Variants in PCDHA4 observed in about 807,000 individuals in gnomAD.
PCDHA4 encodes the protein protocadherin alpha-4.
A neutral mutation model predicts 61.4 loss-of-function variants in PCDHA4; 49 were observed. The observed-to-expected ratio is 0.80, with a 90% CI of 0.63 to 1.01. PCDHA4 has a LOEUF of 1.01. Ranked by LOEUF, PCDHA4 falls within the 50% of genes least tolerant of loss-of-function variation. The pLI is 0.00. For missense variants in PCDHA4, 1,254 were observed against 1,235.8 expected, an observed-to-expected ratio of 1.01 and a Z score of -0.22; for synonymous variants, 590 against 550.3, an observed-to-expected ratio of 1.07 and a Z score of -1.01.
At position 140,870,413 on chromosome 5, in the gene PCDHA4, C is replaced by G. The variant is rs200037363; in HGVS notation, c.2385+60841C>G. ...GGGGGTTCGCCTTCTCTGTGGGCCA[C>G]GGCCAGGGTATCCGTGGAGGTGGCC... On this transcript the variant is annotated intron_variant, in intron 1 of 3. Transcript: ENST00000530339. The G allele has an allele frequency of 7.6e-5, 123 of 1,614,124 alleles. No individual in the cohort carries two copies. In the African/African-American group the frequency reaches 1.6e-3, roughly 21 times the overall value.
intron 1 of PCDHA4, chr5:140,849,467 T>A: frequency 1.3e-6 from 2 of 1,589,378 alleles, no homozygotes; most frequent in South Asian, 2.2e-5. Context: ...AGGCTGTCGA[T>A]AAAGGCTTCC....
At chr5:140,828,373 G>A (rs1554131267) in intron 1 of PCDHA4, 1 of 1,614,292 alleles carries the variant, frequency 6.2e-7, no homozygotes, top group Admixed American at 1.7e-5. Context: ...ACCGCGAGGA[G>A]CTGTGCGGGC....
chr5:140,879,816 G>C (rs1232945342), intron 1 of PCDHA4, among the ~76,000 whole-genome samples: 9 of 152,196 alleles, frequency 5.9e-5, no homozygotes, highest in African/African-American at 2.2e-4. Flanking sequence ...TTGGCTGTTG[G>C]TGTTCCCTGG....
intron 3 of PCDHA4, among the ~76,000 whole-genome samples, chr5:140,988,678 T>G (rs190740461): frequency 6.6e-6 from 1 of 152,314 alleles, no homozygotes. Context: ...CTAAGATAAT[T>G]CTTTCCCTAG....
chr5:140,954,978 A>C (rs1268797182), intron 1 of PCDHA4, among the ~76,000 whole-genome samples: 2 of 152,176 alleles, frequency 1.3e-5, no homozygotes, highest in African/African-American at 4.8e-5. Context: ...GTCCAGTTTC[A>C]ATTTTCTGCA....
chr5:140,841,658 C>T lies in PCDHA4; in HGVS notation c.2385+32086C>T, dbSNP rs146047089. On this transcript the variant is annotated intron_variant, in intron 1 of 3. Transcript: ENST00000530339. Reference sequence around the variant, plus strand: ...CCACCTGGAGGTGATCGTGGACAGGCCGCTGCAGGTTTTCCATGTGGACGT... The same window carrying T: ...CCACCTGGAGGTGATCGTGGACAGGTCGCTGCAGGTTTTCCATGTGGACGT... 7.3e-3 allele frequency: 11,721 copies of T among 1,614,100 alleles called. 53 individuals are homozygous for T. Among genetic ancestry groups the T allele is most frequent in the South Asian group, 8.3e-3 (753 of 91,074 alleles).
At chr5:140,916,613 A>T (rs2077649645) in intron 1 of PCDHA4, among the ~76,000 whole-genome samples, 1 of 151,990 alleles carries the variant, frequency 6.6e-6, no homozygotes, top group Non-Finnish European at 1.5e-5. Flanking sequence ...GGGCCTCATG[A>T]CTCTACTCAA....
intron 1 of PCDHA4, chr5:140,875,350 T>G (rs1465566736): frequency 6.9e-7 from 1 of 1,444,966 alleles, no homozygotes; most frequent in African/African-American, 1.4e-5. Flanking sequence ...CCATAATGAC[T>G]GTGATGCTGG....
chr5:140,838,406 G>T (rs1775717074), intron 1 of PCDHA4, among the ~76,000 whole-genome samples: 1 of 151,394 alleles, frequency 6.6e-6, no homozygotes, highest in Admixed American at 6.6e-5. Flanking sequence ...TTACAGGAGT[G>T]AGCCACCGCA....
chr5:140,882,022 A>G (rs2153382292), intron 1 of PCDHA4: 2 of 571,970 alleles, frequency 3.5e-6, no homozygotes, highest in Non-Finnish European at 5.6e-6. Flanking sequence ...TACTACATCA[A>G]TGGAAAATAT....
chr5:140,850,711 T>C (rs2150495553), intron 1 of PCDHA4: 1 of 1,597,796 alleles, frequency 6.3e-7, no homozygotes, highest in Non-Finnish European at 8.6e-7. Flanking sequence ...AAGCCGACGC[T>C]GGTGTGTTCT....
chr5:140,949,263 C>T (rs1210516513), intron 1 of PCDHA4, among the ~76,000 whole-genome samples: 3 of 151,832 alleles, frequency 2.0e-5, no homozygotes, highest in South Asian at 4.1e-4. Flanking sequence ...GAACATATCA[C>T]GTGCACTTGA....
intron 1 of PCDHA4, chr5:140,967,239 G>A: frequency 1.9e-6 from 3 of 1,613,672 alleles, no homozygotes; most frequent in Non-Finnish European, 2.5e-6. Context: ...CTTCAGGTAA[G>A]CGAATCGGTG....
At chr5:140,848,733 C>A (rs1554142396) in intron 1 of PCDHA4, 2 of 1,592,812 alleles carry the variant, frequency 1.3e-6, no homozygotes, top group South Asian at 2.2e-5. Flanking sequence ...GGTAAATCTG[C>A]AGAATGGCAT....
At chr5:140,967,128 T>G in intron 1 of PCDHA4, 14 of 1,612,170 alleles carry the variant, frequency 8.7e-6, no homozygotes, top group Non-Finnish European at 1.1e-5. Flanking sequence ...CTGCTCAGCT[T>G]GGAAGTGCTG....
chr5:140,851,487 C>T (rs1273932978), intron 1 of PCDHA4: 42 of 889,088 alleles, frequency 4.7e-5, no homozygotes, highest in Non-Finnish European at 5.1e-5. Context: ...TAAACACAGC[C>T]TTCATTTCAA....
chr5:140,879,955 A>G (rs1554171094), intron 1 of PCDHA4, among the ~76,000 whole-genome samples: 1 of 152,206 alleles, frequency 6.6e-6, no homozygotes, highest in Non-Finnish European at 1.5e-5. Context: ...GCCCATCTGG[A>G]TAATCCAGGA....
At chr5:140,831,351 C>T (rs1307103488) in intron 1 of PCDHA4, 1 of 129,732 alleles carries the variant, frequency 7.7e-6, no homozygotes, top group African/African-American at 3.0e-5. Flanking sequence ...TTAAACTATT[C>T]ACTATTTTGT....
At chr5:140,928,555 A>T in intron 1 of PCDHA4, 1 of 1,614,240 alleles carries the variant, frequency 6.2e-7, no homozygotes, top group South Asian at 1.1e-5. Flanking sequence ...TTATCCGGTT[A>T]TCTTGTTTCC....
Sources: gnomAD v4.1 joint callset for allele counts (sites outside exome capture counted in the v4.1 genomes callset) on GRCh38, gnomAD v4.1.1 for gene constraint, MANE v1.5 for transcripts, NCBI Gene and HGNC (gene_info 2026-07-23, HGNC 2026-07-21) for gene names.